ZNF629: variants seen among roughly 807,000 people sequenced by gnomAD.
ZNF629 encodes the protein zinc finger protein 629.
In ZNF629, 9 loss-of-function variants were observed where a neutral mutation model predicts 59.7. That is an observed-to-expected ratio of 0.15 (90% CI 0.09 to 0.26). The LOEUF (loss-of-function observed/expected upper bound fraction) is 0.26, where lower values mean the gene tolerates loss of function less well. ZNF629 is among the 10% of genes least tolerant of loss of function. The pLI is 1.00. For missense variants in ZNF629, 853 were observed against 1,165.4 expected, an observed-to-expected ratio of 0.73 and a Z score of 3.90; for synonymous variants, 509 against 498.9, an observed-to-expected ratio of 1.02 and a Z score of -0.27.
Position 30,783,463 on chromosome 16 carries a change from G to A in ZNF629, c.865C>T (p.Pro289Ser), listed in dbSNP as rs760228218. ...TTCCCGCACTCGGGGCACTTGTAGG[G>A]TTTCTCGCCTGTGTGGGTGGCCTGG... ...QHQATHTGEK[P>S]YKCPECGKRF... Residue 289 changes from proline to serine, a missense_variant, in exon 3 of 3, where the codon CCC (proline) becomes TCC (serine). Around this residue, in one of 3 missense-constraint regions of ZNF629, gnomAD observed 201 missense variants for 536.5 expected, o/e 0.37. Coordinates refer to ENST00000262525, the MANE Select transcript of ZNF629 (RefSeq NM_001080417.3). The A allele has an allele frequency of 6.2e-7, 1 of 1,614,044 alleles. No homozygotes were observed. The highest frequency in any genetic ancestry group is 1.3e-5 in the African/African-American group (1 of 74,930).
At position 30,786,334 on chromosome 16, in the gene ZNF629, G is replaced by A. The variant is rs533268363; in HGVS notation, c.-34+694C>T. Among the ~76,000 whole-genome samples, 1 of 152,126 alleles carries A rather than the reference G, an allele frequency of 6.6e-6. No individual in the cohort carries two copies. The highest frequency in any genetic ancestry group is 1.5e-5 in the Non-Finnish European group (1 of 67,996). On this transcript the variant is annotated intron_variant, in intron 1 of 2. Transcript: ENST00000262525. The surrounding 1 kb of genome is among the most constrained non-coding windows in gnomAD (Gnocchi z 4.8). Reference sequence around the variant, plus strand: ...GAAGGATGCCCTGCTGTGTTTGCTCGGGACAGGTAAGAGTTTGTGGACCTC... The same window carrying A: ...GAAGGATGCCCTGCTGTGTTTGCTCAGGACAGGTAAGAGTTTGTGGACCTC...
In ZNF629 at chr16:30,782,978, G is replaced by T. The variant is rs372222911; in HGVS notation, c.1350C>A (p.Arg450=). The T allele has an allele frequency of 1.2e-6, 2 of 1,613,826 alleles. No homozygotes were observed. The highest frequency in any genetic ancestry group is 1.3e-5 in the African/African-American group (1 of 74,876). ...IMSSTLIRHQ[R]IHTGEKPYKC... ...TGTAGGGCTTCTCACCGGTGTGGAT[G>T]CGCTGGTGGCGGATAAGGGTGGAGC... Residue 450 remains arginine, a synonymous_variant, in exon 3 of 3, where the codon CGC becomes CGA. Transcript: ENST00000262525.
Position 30,786,770 on chromosome 16 carries a change from C to A in ZNF629, c.-34+258G>T, listed in dbSNP as rs2054336633. Reference sequence around the variant, plus strand: ...CCAGGCTCCTCCAGGGCTGCGCTGGCAGCGCTGGTCCCCGGCCCCGGCCGA... The same window carrying A: ...CCAGGCTCCTCCAGGGCTGCGCTGGAAGCGCTGGTCCCCGGCCCCGGCCGA... On this transcript the variant is annotated intron_variant, in intron 1 of 2. Coordinates refer to ENST00000262525, the MANE Select transcript of ZNF629 (RefSeq NM_001080417.3). The surrounding 1 kb of genome is among the most constrained non-coding windows in gnomAD (Gnocchi z 4.8). 6.6e-6 allele frequency among the ~76,000 whole-genome samples: 1 copy of A among 152,024 alleles called. No individual in the cohort carries two copies. The highest frequency in any genetic ancestry group is 1.5e-5 in the Non-Finnish European group (1 of 67,962).
intron 1 of ZNF629, among the ~76,000 whole-genome samples, chr16:30,785,907 T>C (rs1464047604): frequency 7.7e-6 from 1 of 129,536 alleles, no homozygotes; most frequent in African/African-American, 3.0e-5. Flanking sequence ...CAGCCAGCTG[T>C]CACTCCAAAA....
chr16:30,783,402 T>C lies in ZNF629; in HGVS notation c.926A>G (p.Gln309Arg). The C allele has an allele frequency of 1.2e-6, 2 of 1,613,616 alleles. No homozygotes were observed. Among genetic ancestry groups the C allele is most frequent in the Non-Finnish European group, 1.7e-6 (2 of 1,179,844 alleles). ...FGQNHNLLKH[Q>R]KIHAGEKPYR... is the part of the protein sequence containing the mutation. ...TGGCTTCTCGCCCGCGTGGATCTTC[T>C]GGTGCTTGAGGAGGTTGTGGTTCTG... The change falls in exon 3 of 3, where the codon CAG (glutamine) becomes CGG (arginine). Residue 309 changes from glutamine (Q) to arginine (R), a missense_variant. Gln to Arg is a conservative substitution (Grantham distance 43). Coordinates refer to ENST00000262525, the MANE Select transcript of ZNF629 (RefSeq NM_001080417.3).
Position 30,784,519 on chromosome 16 carries a change from C to A in ZNF629, c.-33-4G>T, listed in dbSNP as rs1469217549. The A allele has an allele frequency of 3.3e-6, 5 of 1,504,396 alleles. No individual in the cohort carries two copies. Among genetic ancestry groups the A allele is most frequent in the African/African-American group, 2.8e-5 (2 of 71,458 alleles). 93.2% of individuals were successfully genotyped at this position (1,504,396 alleles called of 1,614,324 possible). On this transcript the variant is annotated splice_region_variant and splice_polypyrimidine_tract_variant and intron_variant, in intron 1 of 2. Coordinates refer to ENST00000262525, the MANE Select transcript of ZNF629 (RefSeq NM_001080417.3). ...GGACTGCAGTGTTCCAGGGACCCTG[C>A]GGGGGAAGACAGCGATGAGCGCACA...
At position 30,782,776 on chromosome 16, in the gene ZNF629, C is replaced by T. The variant is rs766764636; in HGVS notation, c.1552G>A (p.Asp518Asn). 8 of 1,613,818 alleles carry T rather than the reference C, an allele frequency of 5.0e-6. No individual in the cohort carries two copies. In the South Asian group the frequency reaches 5.5e-5, roughly 11 times the overall value. ...GCTTCCAGGAAGGCCTTCCCGCAGT[C>T]GGAGCACACGAACAGGTTCTCGTCC... is the stretch of plus-strand genomic sequence containing the variant. Reference protein sequence around the residue: ...HMDENLFVCSDCGKAFLEAHE... With the variant: ...HMDENLFVCSNCGKAFLEAHE... Residue 518 changes from aspartate to asparagine, a missense_variant, in exon 3 of 3, where the codon GAC (aspartate) becomes AAC (asparagine). By Grantham distance (23) the Asp-to-Asn change is conservative. Transcript: ENST00000262525.
chr16:30,781,821 AGGGTTTTG>A lies in ZNF629; in HGVS notation c.2499_2506del (p.Lys834SerfsTer25). 6.2e-7 allele frequency: 1 copy of A among 1,605,716 alleles called. No individual in the cohort carries two copies. Among genetic ancestry groups the A allele is most frequent in the Non-Finnish European group, 8.5e-7 (1 of 1,175,638 alleles). On this transcript the variant is annotated frameshift_variant, in exon 3 of 3. Coordinates refer to ENST00000262525, the MANE Select transcript of ZNF629 (RefSeq NM_001080417.3). LOFTEE classifies it high-confidence loss of function. ...GCACAGATAGGGCTTTTCTTCCACT[AGGGTTTTG>A]GGGTTTTGCCCTTCCCCATGGCTGC...
chr16:30,782,241 C>T lies in ZNF629; in HGVS notation c.2087G>A (p.Arg696Lys). 2 of 1,613,630 alleles carry T rather than the reference C, an allele frequency of 1.2e-6. No homozygotes were observed. The highest frequency in any genetic ancestry group is 1.7e-6 in the Non-Finnish European group (2 of 1,179,794). ...CCCTGCGCCTTCCCCTAGGCCAATTCTATAATCAGGAAAGAGAAAGGGCTT... is the reference window on the plus strand; with the variant it reads ...CCCTGCGCCTTCCCCTAGGCCAATTTTATAATCAGGAAAGAGAAAGGGCTT... Reference protein sequence around the residue: ...NEKPFLFPDYRIGLGEGAGPS... With the variant: ...NEKPFLFPDYKIGLGEGAGPS... Residue 696 changes from arginine to lysine, a missense_variant, in exon 3 of 3, where the codon AGA becomes AAA. Arg to Lys is a conservative substitution (Grantham distance 26, BLOSUM62 2). This residue lies in a region of ZNF629 where 420 missense variants were observed against 435.6 expected (regional missense o/e 0.96). Coordinates refer to ENST00000262525, the MANE Select transcript of ZNF629 (RefSeq NM_001080417.3).
rs769177179 is a variant in ZNF629, at chr16:30,781,922, A to AG, written c.2405dup (p.Pro803SerfsTer13). Reference sequence around the variant, plus strand: ...CTGTGGACAGGGTGACTGCCTCTGGAGGGGGGTCCTCGGGATTGGGGGGTT... The same window carrying AG: ...CTGTGGACAGGGTGACTGCCTCTGGAGGGGGGGTCCTCGGGATTGGGGGGTT... On this transcript the variant is annotated frameshift_variant, in exon 3 of 3. Transcript: ENST00000262525. LOFTEE classifies it high-confidence loss of function. 3.3e-6 allele frequency: 5 copies of AG among 1,522,026 alleles called. No individual in the cohort carries two copies. Among genetic ancestry groups the AG allele is most frequent in the African/African-American group, 1.4e-5 (1 of 70,232 alleles). The allele number at this position is 1,522,026 out of a possible 1,614,324, so 94.3% of individuals were successfully genotyped here.
In ZNF629 at chr16:30,782,356, ACAG is replaced by A. The variant is rs1282365145; in HGVS notation, c.1969_1971del (p.Leu657del). 4 of 1,578,510 alleles carry A rather than the reference ACAG, an allele frequency of 2.5e-6. No homozygotes were observed. The Admixed American group carries it at 7.3e-5, about 29-fold the overall frequency. On this transcript the variant is annotated inframe_deletion, in exon 3 of 3. Transcript: ENST00000262525. The stretch of plus-strand genomic sequence containing the variant: ...TGGGAGCAGATGTAGGTCTTGGAGG[ACAG>A]CAGCCCCCGCCTCTGGCTGAAGCCC...
chr16:30,783,584 G>T lies in ZNF629; in HGVS notation c.744C>A (p.Asn248Lys). The change falls in exon 3 of 3, where the codon AAC becomes AAA. Residue 248 changes from asparagine to lysine, a missense_variant. By Grantham distance (94) the Asn-to-Lys change is moderately conservative. Around this residue, in one of 3 missense-constraint regions of ZNF629, gnomAD observed 201 missense variants for 536.5 expected, o/e 0.37. Transcript: ENST00000262525. ...ECEKAFTQSTNLIKHQRSHTG... is the reference protein window; with the variant it reads ...ECEKAFTQSTKLIKHQRSHTG... The stretch of plus-strand genomic sequence containing the variant: ...TGTGGGATCGCTGGTGCTTGATGAG[G>T]TTGGTGCTCTGGGTGAAGGCTTTCT... 1 of 1,613,806 alleles carries T rather than the reference G, an allele frequency of 6.2e-7. No homozygotes were observed. The highest frequency in any genetic ancestry group is 8.5e-7 in the Non-Finnish European group (1 of 1,179,920).
chr16:30,778,910 C>T lies in ZNF629; in HGVS notation c.*2808G>A, dbSNP rs1017993769. The T allele has an allele frequency of 2.0e-5, 3 of 152,342 alleles. No individual in the cohort carries two copies. The highest frequency in any genetic ancestry group is 7.2e-5 in the African/African-American group (3 of 41,528). 9.4% of individuals were successfully genotyped at this position (152,342 alleles called of 1,614,324 possible). On this transcript the variant is annotated 3_prime_UTR_variant, in exon 3 of 3. Coordinates refer to ENST00000262525, the MANE Select transcript of ZNF629 (RefSeq NM_001080417.3). The stretch of plus-strand genomic sequence containing the variant: ...CAGACTCAGTTGTGGTGAGCAAATG[C>T]TTTGACCCCTGGGCCTTCATCTGAG...
chr16:30,784,017 G>C lies in ZNF629; in HGVS notation c.311C>G (p.Ser104Cys). The change falls in exon 3 of 3, where the codon TCT (serine) becomes TGT (cysteine). Residue 104 changes from serine to cysteine, a missense_variant. This residue lies in a region of ZNF629 where 232 missense variants were observed against 193.4 expected (regional missense o/e 1.20). Coordinates refer to ENST00000262525, the MANE Select transcript of ZNF629 (RefSeq NM_001080417.3). ...PPAPEVVPTP[S>C]DWTKACEASW... ...GGCCTCGCAGGCCTTGGTCCAGTCA[G>C]ATGGGGTAGGGACTACCTCCGGGGC... is the stretch of plus-strand genomic sequence containing the variant. The C allele has an allele frequency of 6.3e-7, 1 of 1,575,106 alleles. No homozygotes were observed. Among genetic ancestry groups the C allele is most frequent in the South Asian group, 1.2e-5 (1 of 85,186 alleles).
rs1041442410 is a variant in ZNF629, at chr16:30,787,020, C to T, written c.-34+8G>A. ...CACCCCCCGGGAACCCAGGCGTCCC[C>T]AACTCACGGCTCTGGGGTCTGGGAA... On this transcript the variant is annotated splice_region_variant and intron_variant, in intron 1 of 2. Coordinates refer to ENST00000262525, the MANE Select transcript of ZNF629 (RefSeq NM_001080417.3). The T allele has an allele frequency of 2.0e-5, 3 of 152,570 alleles. No homozygotes were observed. The highest frequency in any genetic ancestry group is 2.9e-5 in the Non-Finnish European group (2 of 68,140). 9.5% of individuals were successfully genotyped at this position (152,570 alleles called of 1,614,324 possible). A position where few individuals can be genotyped will look rare whatever the true frequency, so the allele number is the denominator to read the frequency against.
In ZNF629 at chr16:30,786,306, C is replaced by T. The variant is rs562529554; in HGVS notation, c.-34+722G>A. ...ACTGGGGGCTGCCTGATGTCCGGTC[C>T]GGGAAGGATGCCCTGCTGTGTTTGC... On this transcript the variant is annotated intron_variant, in intron 1 of 2. Coordinates refer to ENST00000262525, the MANE Select transcript of ZNF629 (RefSeq NM_001080417.3). This position sits in a 1 kb window ranked among gnomAD's most constrained non-coding sequence, Gnocchi z 4.8. 2.0e-5 allele frequency among the ~76,000 whole-genome samples: 3 copies of T among 152,090 alleles called. No homozygotes were observed. The highest frequency in any genetic ancestry group is 4.4e-5 in the Non-Finnish European group (3 of 68,022).
rs1178235244 is a variant in ZNF629, at chr16:30,779,998, A to T, written c.*1720T>A. ...TCTGTCTTCCACCATCTCATAGGGC[A>T]ACAGTCTCTCCCCAGCCACATATGC... is the stretch of plus-strand genomic sequence containing the variant. On this transcript the variant is annotated 3_prime_UTR_variant, in exon 3 of 3. Transcript: ENST00000262525. 2 of 152,538 alleles carry T rather than the reference A, an allele frequency of 1.3e-5. No individual in the cohort carries two copies. Among genetic ancestry groups the T allele is most frequent in the East Asian group, 3.8e-4 (2 of 5,196 alleles). 9.4% of individuals were successfully genotyped at this position (152,538 alleles called of 1,614,324 possible).
At position 30,786,389 on chromosome 16, in the gene ZNF629, G is replaced by T. The variant is rs1262541908; in HGVS notation, c.-34+639C>A. Among the ~76,000 whole-genome samples the T allele has an allele frequency of 6.6e-6, 1 of 152,116 alleles. No individual in the cohort carries two copies. The highest frequency in any genetic ancestry group is 2.1e-4 in the South Asian group (1 of 4,826). ...GTCTCCAAAAAATTCTCCCCTAGTG[G>T]TCCAGAGTAGGAGGGAAAGGGTTAA... On this transcript the variant is annotated intron_variant, in intron 1 of 2. Coordinates refer to ENST00000262525, the MANE Select transcript of ZNF629 (RefSeq NM_001080417.3). The surrounding 1 kb of genome is among the most constrained non-coding windows in gnomAD (Gnocchi z 4.8).
rs1403611415 is a variant in ZNF629, at chr16:30,786,247, T to A, written c.-34+781A>T. Among the ~76,000 whole-genome samples, 2 of 151,900 alleles carry A rather than the reference T, an allele frequency of 1.3e-5. No homozygotes were observed. Among genetic ancestry groups the A allele is most frequent in the African/African-American group, 4.8e-5 (2 of 41,348 alleles). ...AATCCCCCCTCCCCGCCTGTAAGTG[T>A]CTTTGGGGTGGTGGAAGCGGAGACC... On this transcript the variant is annotated intron_variant, in intron 1 of 2. Transcript: ENST00000262525. The surrounding 1 kb of genome is among the most constrained non-coding windows in gnomAD (Gnocchi z 4.8).
Sources: allele counts gnomAD v4.1 joint callset (sites outside exome capture counted in the v4.1 genomes callset), GRCh38; gene constraint gnomAD v4.1.1; regional missense constraint gnomAD v4.1.1; non-coding constraint Gnocchi (gnomAD v3.1); transcripts MANE v1.5; gene names NCBI Gene and HGNC (gene_info 2026-07-23, HGNC 2026-07-21).